PLCZ1: variants seen among roughly 807,000 people sequenced by gnomAD.
The protein encoded by PLCZ1 is 1-phosphatidylinositol 4,5-bisphosphate phosphodiesterase zeta-1.
PLCZ1 carries 64 observed loss-of-function variants against 76.8 expected under a neutral mutation model. The observed-to-expected ratio is 0.83, with a 90% confidence interval of 0.68 to 1.03. The LOEUF is 1.03. PLCZ1 is among the 50% of genes least tolerant of loss of function. The probability of loss-of-function intolerance (pLI) is 0.00; values close to 1 mark genes in which losing one functional copy is unlikely to be tolerated. For missense variants in PLCZ1, 751 were observed against 713.7 expected, an observed-to-expected ratio of 1.05 and a Z score of -0.60; for synonymous variants, 248 against 230.8, an observed-to-expected ratio of 1.07 and a Z score of -0.68.
At chr12:18,701,366 G>A (rs1394050040) in intron 9 of PLCZ1, 135 bp downstream of exon 9, 1 of 1,464,454 alleles carries the variant, frequency 6.8e-7, no homozygotes, top group East Asian at 2.4e-5. Flanking sequence ...TGTTTTCAAA[G>A]TAAATTGTAA....
chr12:18,692,513 G>A (rs537826107), intron 12 of PLCZ1, among the ~76,000 whole-genome samples: 1 of 152,208 alleles, frequency 6.6e-6, no homozygotes, highest in African/African-American at 2.4e-5. Context: ...GCTCCATAAG[G>A]TTTTACAGGA....
At chr12:18,708,856 A>G (rs1956958037) in intron 6 of PLCZ1, among the ~76,000 whole-genome samples, 1 of 151,828 alleles carries the variant, frequency 6.6e-6, no homozygotes, top group African/African-American at 2.4e-5. Context: ...TTTTTAATCA[A>G]GTTTTTTTTC....
At chr12:18,697,916 G>T (rs1029109697) in intron 10 of PLCZ1, among the ~76,000 whole-genome samples, 9 of 152,002 alleles carry the variant, frequency 5.9e-5, no homozygotes, top group African/African-American at 2.2e-4. Flanking sequence ...AATGCTCTAT[G>T]CCCCTTCAAA....
intron 5 of PLCZ1, chr12:18,713,673 A>G (rs1170703473): frequency 6.6e-6 from 1 of 152,248 alleles, no homozygotes; most frequent in East Asian, 1.9e-4. Context: ...GGAAGCCTGG[A>G]CACCTGCTCA....
At chr12:18,698,374 G>T (rs1266831280) in intron 10 of PLCZ1, among the ~76,000 whole-genome samples, 2 of 151,560 alleles carry the variant, frequency 1.3e-5, no homozygotes, top group African/African-American at 4.9e-5. Flanking sequence ...CAGACCTACT[G>T]AATTGATTTT....
chr12:18,699,383 C>G (rs986336450), intron 10 of PLCZ1, among the ~76,000 whole-genome samples: 1 of 152,186 alleles, frequency 6.6e-6, no homozygotes, highest in Non-Finnish European at 1.5e-5. Flanking sequence ...TCAGAGGTAT[C>G]GTTTAGAAAT....
chr12:18,683,416 G>A lies in PLCZ1; in HGVS notation c.1742-92C>T, dbSNP rs1243137053. ...CTGAGAAACAAGAGCTCTTTACTAA[G>A]CCTACATTAAAAACCATGACTATAG... is the stretch of plus-strand genomic sequence containing the variant. On this transcript the variant is annotated intron_variant, in intron 14 of 14. Transcript: ENST00000266505. The A allele has an allele frequency of 5.5e-6, 8 of 1,464,764 alleles. No homozygotes were observed. The East Asian group carries it at 1.4e-4, about 25-fold the overall frequency. The allele number at this position is 1,464,764 out of a possible 1,614,324, so 90.7% of individuals were successfully genotyped here.
At chr12:18,732,990 G>C (rs1478926989) in intron 3 of PLCZ1, among the ~76,000 whole-genome samples, 1 of 152,102 alleles carries the variant, frequency 6.6e-6, no homozygotes, top group Non-Finnish European at 1.5e-5. Context: ...GGGATTGCTG[G>C]ATTATATGGC....
At chr12:18,676,333 C>T in the PLCZ1 span, among the ~76,000 whole-genome samples, 1 of 152,036 alleles carries the variant, frequency 6.6e-6, no homozygotes, top group African/African-American at 2.4e-5. Context: ...GTTCAGTGTA[C>T]TTTGTAACTG....
At chr12:18,704,981 C>T (rs182818375) in intron 7 of PLCZ1, among the ~76,000 whole-genome samples, 185 bp downstream of exon 7, 11 of 152,074 alleles carry the variant, frequency 7.2e-5, no homozygotes, top group Non-Finnish European at 1.0e-4. Flanking sequence ...AAATTTTAAT[C>T]GAAATATATT....
At chr12:18,657,735 T>C in the PLCZ1 span, among the ~76,000 whole-genome samples, 1 of 152,130 alleles carries the variant, frequency 6.6e-6, no homozygotes, top group Non-Finnish European at 1.5e-5. Flanking sequence ...TTTCTAGAGT[T>C]GCCACACTAT....
intron 6 of PLCZ1, among the ~76,000 whole-genome samples, chr12:18,706,301 G>T (rs1956613731): frequency 6.6e-6 from 1 of 151,680 alleles, no homozygotes. Flanking sequence ...GTTATCTACG[G>T]GTTTATGAAG....
chr12:18,705,002 T>C (rs986170941), intron 7 of PLCZ1, among the ~76,000 whole-genome samples, 164 bp downstream of exon 7: 2 of 152,138 alleles, frequency 1.3e-5, no homozygotes, highest in Non-Finnish European at 2.9e-5. Context: ...CACCTAAGCA[T>C]TCATGAGAAC....
At chr12:18,650,690 GTGTGTGTGTGTGTGTATATATCTATA>G in the PLCZ1 span, among the ~76,000 whole-genome samples, 9 of 38,944 alleles carry the variant, frequency 2.3e-4, no homozygotes, top group East Asian at 3.5e-3. Context: ...GTGTGTGTGT[GTGTGTGTGTGTGTGTATATATCTATA>G]TATATATATA....
At chr12:18,729,946 C>A (rs1383381393) in intron 3 of PLCZ1, among the ~76,000 whole-genome samples, 1 of 152,100 alleles carries the variant, frequency 6.6e-6, no homozygotes, top group Non-Finnish European at 1.5e-5. Flanking sequence ...ATTGTGTATA[C>A]TTAACTGATG....
At chr12:18,647,274 A>G in the PLCZ1 span, among the ~76,000 whole-genome samples, 1 of 152,068 alleles carries the variant, frequency 6.6e-6, no homozygotes, top group Non-Finnish European at 1.5e-5. Context: ...GATGGGAACC[A>G]TAAAGACTGG....
At chr12:18,690,679 T>C (rs1280697524) in intron 12 of PLCZ1, among the ~76,000 whole-genome samples, 2 of 152,182 alleles carry the variant, frequency 1.3e-5, no homozygotes, top group Non-Finnish European at 2.9e-5. Context: ...ACAGCTAACC[T>C]AGCCTAGGAA....
intron 3 of PLCZ1, chr12:18,735,929 T>C (rs1959215279): frequency 4.0e-6 from 1 of 249,118 alleles, no homozygotes; most frequent in Non-Finnish European, 7.7e-6. Context: ...ATCACTAACA[T>C]CTAATACAGT....
chr12:18,737,779 A>C, intron 1 of PLCZ1, 153 bp downstream of exon 1: 1 of 330,510 alleles, frequency 3.0e-6, no homozygotes, highest in South Asian at 3.4e-5. Flanking sequence ...CTTTCATCAT[A>C]ATATGCTTCC....
Sources: allele counts gnomAD v4.1 joint callset (sites outside exome capture counted in the v4.1 genomes callset), GRCh38; gene constraint gnomAD v4.1.1; transcripts MANE v1.5; gene names NCBI Gene and HGNC (gene_info 2026-07-23, HGNC 2026-07-21).